Variants in DHRS7B observed in about 807,000 individuals in gnomAD.
DHRS7B encodes dehydrogenase/reductase 7B, also known as peroxisomal reductase activating PPAR-gamma.
In DHRS7B, 24 loss-of-function variants were observed where a neutral mutation model predicts 26.4. That is an observed-to-expected ratio of 0.91 (90% confidence interval 0.66 to 1.28). DHRS7B has a LOEUF of 1.28. Among genes scored for constraint, DHRS7B ranks in the 50% most tolerant of loss-of-function variants. DHRS7B has a pLI of 0.00. For synonymous variants in DHRS7B, 142 were observed against 166.4 expected, an observed-to-expected ratio of 0.85 and a Z score of 1.13; for missense variants, 368 against 419.4, an observed-to-expected ratio of 0.88 and a Z score of 1.07.
At chr17:21,149,032 A>G (rs1973702903) in intron 1 of DHRS7B, among the ~76,000 whole-genome samples, 1 of 152,176 alleles carries the variant, frequency 6.6e-6, no homozygotes, top group Non-Finnish European at 1.5e-5. Context: ...TCAGACTCTT[A>G]AAGGTCAACA....
At chr17:21,141,238 G>A (rs1973501700) in intron 1 of DHRS7B, among the ~76,000 whole-genome samples, 1 of 152,064 alleles carries the variant, frequency 6.6e-6, no homozygotes, top group Non-Finnish European at 1.5e-5. Flanking sequence ...CTTCTGGCTG[G>A]GAGGAGCAAA....
chr17:21,159,652 CACTGAGCTCAGG>C (rs1019184132), intron 1 of DHRS7B, among the ~76,000 whole-genome samples: 1 of 151,634 alleles, frequency 6.6e-6, no homozygotes, highest in Non-Finnish European at 1.5e-5. Context: ...ATGAGAGGAT[CACTGAGCTCAGG>C]AGTTTGAGAC....
At chr17:21,143,161 A>T (rs1242192450) in intron 1 of DHRS7B, among the ~76,000 whole-genome samples, 3 of 152,316 alleles carry the variant, frequency 2.0e-5, no homozygotes, top group South Asian at 2.1e-4. Flanking sequence ...ACTCGACCTC[A>T]GGTGATCCGC....
rs371230237 is a variant in DHRS7B at position 21,145,906 on chromosome 17, T to C, written c.20+18915T>C. Reference sequence around the variant, plus strand: ...TATTTTCAACTTATGATGGGTTTATTGAGACAATCCCATGTAAATTGAGGA... The same window carrying C: ...TATTTTCAACTTATGATGGGTTTATCGAGACAATCCCATGTAAATTGAGGA... On this transcript the variant is annotated intron_variant, in intron 1 of 6. Transcript: ENST00000395511. 5.3e-5 allele frequency among the ~76,000 whole-genome samples: 8 copies of C among 152,342 alleles called. No individual in the cohort carries two copies. In the East Asian group the frequency reaches 1.3e-3, roughly 26 times the overall value.
At chr17:21,168,006 G>T (rs778807298) in intron 1 of DHRS7B, among the ~76,000 whole-genome samples, 1 of 152,206 alleles carries the variant, frequency 6.6e-6, no homozygotes, top group Non-Finnish European at 1.5e-5. Context: ...CTGTGAAGCT[G>T]TCCTTTTAGC....
chr17:21,141,640 A>AAAAAAAAAAAAAAAAAAAAG lies in DHRS7B; in HGVS notation c.20+14649_20+14650insAAAAAAAAAAAAAAAAAAAG. On this transcript the variant is annotated intron_variant, in intron 1 of 6. Coordinates refer to ENST00000395511, the MANE Select transcript of DHRS7B (RefSeq NM_015510.5). ...AAAGCAAAAAAAAAAAAAAAAAAAA[A>AAAAAAAAAAAAAAAAAAAAG]CAACCTCATCTCAAACTCCACAAAG... Among the ~76,000 whole-genome samples the AAAAAAAAAAAAAAAAAAAAG allele has an allele frequency of 3.2e-4, 29 of 90,082 alleles. 8 individuals are homozygous for AAAAAAAAAAAAAAAAAAAAG. The highest frequency in any genetic ancestry group is 3.9e-4 in the Non-Finnish European group (19 of 48,492). The allele number at this position is 90,082 out of a possible 152,430, so 59.1% of individuals were successfully genotyped here. A position where few individuals can be genotyped will look rare whatever the true frequency, so the allele number is the denominator to read the frequency against.
At position 21,175,530 on chromosome 17, in the gene DHRS7B, A is replaced by T. The variant is rs192773266; in HGVS notation, c.200-2703A>T. Among the ~76,000 whole-genome samples the T allele has an allele frequency of 1.1e-3, 165 of 152,346 alleles. 3 individuals carry two copies. In the South Asian group the frequency reaches 0.034, roughly 31 times the overall value. On this transcript the variant is annotated intron_variant, in intron 2 of 6. Transcript: ENST00000395511. ...CTAAGATTCGGTCTGGAACCAAGTCAGTGGCTCACTGGTGTCAGGTCAGGG... is the reference window on the plus strand; with the variant it reads ...CTAAGATTCGGTCTGGAACCAAGTCTGTGGCTCACTGGTGTCAGGTCAGGG...
chr17:21,167,521 T>C (rs970164047), intron 1 of DHRS7B, among the ~76,000 whole-genome samples: 1 of 152,344 alleles, frequency 6.6e-6, no homozygotes. Context: ...AGTGTGACTA[T>C]GACTGCACAC....
intron 1 of DHRS7B, chr17:21,128,141 C>G (rs1973140992): frequency 6.6e-6 from 1 of 152,148 alleles, no homozygotes; most frequent in African/African-American, 2.4e-5. Flanking sequence ...ATTAGCCAGG[C>G]AAGGTAGCAC....
chr17:21,170,292 A>G (rs1384778536), intron 1 of DHRS7B, among the ~76,000 whole-genome samples: 1 of 152,054 alleles, frequency 6.6e-6, no homozygotes, highest in Non-Finnish European at 1.5e-5. Context: ...CTCGGTGCCT[A>G]CTCTACAGCT....
At chr17:21,150,839 G>A (rs77779487) in intron 1 of DHRS7B, among the ~76,000 whole-genome samples, 2,834 of 152,244 alleles carry the variant, frequency 0.019, 39 homozygotes, top group Non-Finnish European at 0.029. Flanking sequence ...CCTATCTCGA[G>A]ATTCTTAAAT....
chr17:21,148,500 A>G (rs1973689757), intron 1 of DHRS7B, among the ~76,000 whole-genome samples: 1 of 152,166 alleles, frequency 6.6e-6, no homozygotes, highest in African/African-American at 2.4e-5. Context: ...TGTTCCCAGC[A>G]CTTTGGGAGG....
At chr17:21,141,619 CAAAAA>C (rs71357469) in intron 1 of DHRS7B, among the ~76,000 whole-genome samples, 2 of 14,382 alleles carry the variant, frequency 1.4e-4, no homozygotes, top group Admixed American at 7.4e-4. Flanking sequence ...AGCAAGAAAG[CAAAAA>C]AAAAAAAAAA....
chr17:21,186,048 T>C (rs974098723), intron 5 of DHRS7B, among the ~76,000 whole-genome samples: 1 of 152,206 alleles, frequency 6.6e-6, no homozygotes, highest in African/African-American at 2.4e-5. Flanking sequence ...TACCACTGAT[T>C]TTTGTTGTCT....
intron 1 of DHRS7B, 106 bp downstream of exon 1, chr17:21,127,097 C>G: frequency 8.0e-7 from 1 of 1,255,812 alleles, no homozygotes; most frequent in South Asian, 1.8e-5. Context: ...AGTGGTCGAG[C>G]TAAGGCCGCG....
At chr17:21,185,010 G>A (rs1974600466) in intron 5 of DHRS7B, among the ~76,000 whole-genome samples, 1 of 152,174 alleles carries the variant, frequency 6.6e-6, no homozygotes, top group African/African-American at 2.4e-5. Context: ...GTAATCCATT[G>A]AATGAGTGTG....
chr17:21,159,254 T>C (rs1483149630), intron 1 of DHRS7B, among the ~76,000 whole-genome samples: 3 of 151,330 alleles, frequency 2.0e-5, no homozygotes, highest in South Asian at 2.1e-4. Context: ...TTCTTTCTTT[T>C]TTTTTTTTTT....
intron 1 of DHRS7B, among the ~76,000 whole-genome samples, chr17:21,133,938 T>G (rs763486102): frequency 1.3e-5 from 2 of 152,184 alleles, no homozygotes; most frequent in Non-Finnish European, 2.9e-5. Context: ...TATTATTTTC[T>G]TCTGAAGTGT....
chr17:21,151,907 T>C (rs1018155258), intron 1 of DHRS7B, among the ~76,000 whole-genome samples: 1 of 152,342 alleles, frequency 6.6e-6, no homozygotes. Flanking sequence ...CTCCTGGTGC[T>C]GTCCTCGCAA....
Sources: allele counts gnomAD v4.1 joint callset (sites outside exome capture counted in the v4.1 genomes callset), GRCh38; gene constraint gnomAD v4.1.1; transcripts MANE v1.5; gene names NCBI Gene and HGNC (gene_info 2026-07-23, HGNC 2026-07-21).